The following CDH6 variants were observed in gnomAD, a reference collection of about 807,000 sequenced individuals.
CDH6 encodes the protein cadherin 6, also known as cadherin-6.
In CDH6, 31 loss-of-function variants were observed where a neutral mutation model predicts 78.0. That is an observed-to-expected ratio of 0.40 (90% confidence interval 0.30 to 0.54). CDH6 has a LOEUF of 0.54. Ranked by LOEUF, CDH6 falls within the 20% of genes least tolerant of loss-of-function variation. The pLI is 0.56. For missense variants in CDH6, 724 were observed against 975.9 expected (o/e 0.74, Z 3.44); for synonymous variants, 376 against 368.8 (o/e 1.02, Z -0.23).
chr5:31,262,856 T>C (rs1384174713), intron 1 of CDH6, among the ~76,000 whole-genome samples: 1 of 152,192 alleles, frequency 6.6e-6, no homozygotes, highest in Non-Finnish European at 1.5e-5. Context: ...CTACTTTGCC[T>C]GCTCAGAAAT....
Position 31,297,341 on chromosome 5 carries a change from G to C in CDH6, c.576G>C (p.Gly192=), listed in dbSNP as rs1010640288. Residue 192 remains glycine, a synonymous_variant, in exon 4 of 12, where the codon GGG becomes GGC. Transcript: ENST00000265071. The stretch of plus-strand genomic sequence containing the variant: ...CGGATGCAGATGATCCAACATATGG[G>C]AACAGTGCTAAAGTTGTCTACAGTA... ...TATDADDPTY[G]NSAKVVYSIL... The C allele has an allele frequency of 1.2e-6, 2 of 1,609,534 alleles. No homozygotes were observed. The highest frequency in any genetic ancestry group is 2.7e-5 in the African/African-American group (2 of 74,810).
intron 1 of CDH6, among the ~76,000 whole-genome samples, chr5:31,223,234 A>G (rs1254431984): frequency 6.6e-6 from 1 of 152,224 alleles, no homozygotes; most frequent in Non-Finnish European, 1.5e-5. Flanking sequence ...TTTTAAGGAC[A>G]CAGTTTCACA....
intron 1 of CDH6, among the ~76,000 whole-genome samples, chr5:31,242,163 A>G (rs1248450922): frequency 6.6e-6 from 1 of 152,238 alleles, no homozygotes; most frequent in East Asian, 1.9e-4. Context: ...TTTCTTTTGC[A>G]TCACGAAATC....
At chr5:31,302,940 A>AAAG (rs1737855024) in intron 6 of CDH6, among the ~76,000 whole-genome samples, 1 of 131,484 alleles carries the variant, frequency 7.6e-6, no homozygotes, top group Admixed American at 7.9e-5. Flanking sequence ...AGAAAGAAAG[A>AAAG]AAGAAAGAAA....
chr5:31,211,849 G>T (rs1740716771), intron 1 of CDH6, among the ~76,000 whole-genome samples: 1 of 152,184 alleles, frequency 6.6e-6, no homozygotes, highest in Non-Finnish European at 1.5e-5. Flanking sequence ...TGTTTTGTTT[G>T]TGGTTGGGTT....
At chr5:31,314,223 C>A (rs2017458) in intron 8 of CDH6, among the ~76,000 whole-genome samples, 78,000 of 151,306 alleles carry the variant, frequency 0.52, 20,428 homozygotes, top group East Asian at 0.56. Context: ...ATATGTATAC[C>A]TGTGCCATGT....
In CDH6 at chr5:31,302,724, G is replaced by GA. The variant is rs1217864855; in HGVS notation, c.999+428dup. Among the ~76,000 whole-genome samples, 42 of 89,296 alleles carry GA rather than the reference G, an allele frequency of 4.7e-4. 1 individual carries two copies. The highest frequency in any genetic ancestry group is 1.7e-3 in the African/African-American group (41 of 24,098). The allele number at this position is 89,296 out of a possible 152,430, so 58.6% of individuals were successfully genotyped here. A position where few individuals can be genotyped will look rare whatever the true frequency, so the allele number is the denominator to read the frequency against. ...TGAGACTCTGAAAAAAAAAAAAAAA[G>GA]AAGAAAGAAGGAAGGAAGGAAGGAA... On this transcript the variant is annotated intron_variant, in intron 6 of 11. Transcript: ENST00000265071.
intron 1 of CDH6, among the ~76,000 whole-genome samples, chr5:31,265,085 A>G (rs1742305919): frequency 1.3e-5 from 2 of 152,212 alleles, no homozygotes; most frequent in African/African-American, 2.4e-5. Context: ...TCTTCACTGC[A>G]GGATTTGTCT....
intron 1 of CDH6, among the ~76,000 whole-genome samples, chr5:31,257,422 C>A (rs1279410805): frequency 1.3e-5 from 2 of 152,214 alleles, no homozygotes; most frequent in African/African-American, 4.8e-5. Context: ...CTCAGCCTCC[C>A]AAAGTGCTAG....
chr5:31,258,231 C>G (rs1742110729), intron 1 of CDH6, among the ~76,000 whole-genome samples: 1 of 152,138 alleles, frequency 6.6e-6, no homozygotes, highest in Non-Finnish European at 1.5e-5. Context: ...AAACTTGAAA[C>G]CAACCCAAAT....
At chr5:31,198,436 A>G (rs1740230908) in intron 1 of CDH6, among the ~76,000 whole-genome samples, 1 of 152,176 alleles carries the variant, frequency 6.6e-6, no homozygotes, top group South Asian at 2.1e-4. Flanking sequence ...TGTATGTGGT[A>G]CTATCTTGTG....
At chr5:31,302,574 G>A (rs948228433) in intron 6 of CDH6, 12 of 246,914 alleles carry the variant, frequency 4.9e-5, no homozygotes, top group Admixed American at 3.2e-4. Context: ...TTAGCCAGGC[G>A]TGGTGGTGGG....
At chr5:31,310,387 C>T (rs1467667656) in intron 7 of CDH6, among the ~76,000 whole-genome samples, 2 of 152,200 alleles carry the variant, frequency 1.3e-5, no homozygotes, top group East Asian at 3.9e-4. Flanking sequence ...AGATACAGCC[C>T]CCGAGGCTGC....
At chr5:31,224,565 T>C (rs766436192) in intron 1 of CDH6, among the ~76,000 whole-genome samples, 6 of 152,152 alleles carry the variant, frequency 3.9e-5, no homozygotes, top group Non-Finnish European at 7.3e-5. Flanking sequence ...GGGTTTTTGT[T>C]TGTCTGAGAC....
intron 9 of CDH6, among the ~76,000 whole-genome samples, chr5:31,316,699 A>G (rs1325258161): frequency 2.6e-5 from 4 of 152,226 alleles, no homozygotes; most frequent in Non-Finnish European, 1.5e-5. Context: ...ATTTACATTG[A>G]CCATCTGTGT....
At chr5:31,227,011 C>G (rs910653060) in intron 1 of CDH6, among the ~76,000 whole-genome samples, 2 of 152,088 alleles carry the variant, frequency 1.3e-5, no homozygotes, top group Non-Finnish European at 2.9e-5. Flanking sequence ...GAAAATGACC[C>G]ATCCCTGGAA....
At chr5:31,215,962 T>G (rs1740849533) in intron 1 of CDH6, among the ~76,000 whole-genome samples, 1 of 152,122 alleles carries the variant, frequency 6.6e-6, no homozygotes, top group African/African-American at 2.4e-5. Context: ...ACACTCACCA[T>G]CATAAAGTAG....
intron 1 of CDH6, among the ~76,000 whole-genome samples, chr5:31,196,158 C>G (rs964912907): frequency 6.6e-6 from 1 of 152,162 alleles, no homozygotes; most frequent in African/African-American, 2.4e-5. Flanking sequence ...CTCTTCCACC[C>G]ACCACTTCCA....
At chr5:31,196,661 A>G (rs977981599) in intron 1 of CDH6, among the ~76,000 whole-genome samples, 2 of 152,214 alleles carry the variant, frequency 1.3e-5, no homozygotes, top group Non-Finnish European at 2.9e-5. Context: ...TTCTCTAAGC[A>G]CTATCTTAAT....
Sources: allele counts gnomAD v4.1 joint callset (sites outside exome capture counted in the v4.1 genomes callset), GRCh38; gene constraint gnomAD v4.1.1; transcripts MANE v1.5; gene names NCBI Gene and HGNC (gene_info 2026-07-23, HGNC 2026-07-21).